Variants in MINDY3 observed in about 807,000 individuals in gnomAD.
MINDY3 encodes the protein ubiquitin carboxyl-terminal hydrolase MINDY-3.
A neutral mutation model predicts 69.2 loss-of-function variants in MINDY3; 38 were observed. The observed-to-expected ratio is 0.55, with a 90% CI of 0.42 to 0.72. The LOEUF is 0.72. Among genes scored for constraint, MINDY3 ranks in the 30% least tolerant of loss-of-function variants. The probability of loss-of-function intolerance (pLI) is 0.00; values close to 1 mark genes in which losing one functional copy is unlikely to be tolerated. For missense variants in MINDY3, 522 were observed against 519.0 expected, an observed-to-expected ratio of 1.01 and a Z score of -0.06; for synonymous variants, 192 against 180.1, an observed-to-expected ratio of 1.07 and a Z score of -0.53.
intron 1 of MINDY3, among the ~76,000 whole-genome samples, chr10:15,852,181 G>A (rs1332752466): frequency 1.3e-5 from 2 of 152,050 alleles, no homozygotes; most frequent in Admixed American, 1.3e-4. Flanking sequence ...CATCTGCCTT[G>A]CCTGACCGGT....
chr10:15,798,464 G>GTTTTT (rs35810825), intron 10 of MINDY3, among the ~76,000 whole-genome samples: 4 of 141,774 alleles, frequency 2.8e-5, no homozygotes, highest in Non-Finnish European at 6.2e-5. Flanking sequence ...AGTGCCAAGT[G>GTTTTT]TTTTTTTTTT....
intron 9 of MINDY3, among the ~76,000 whole-genome samples, chr10:15,818,233 A>C (rs554910273): frequency 6.6e-6 from 1 of 152,250 alleles, no homozygotes; most frequent in East Asian, 1.9e-4. Flanking sequence ...GATTTCCATC[A>C]CATCACATGG....
chr10:15,839,245 G>A (rs1268749541), intron 4 of MINDY3, among the ~76,000 whole-genome samples: 1 of 151,594 alleles, frequency 6.6e-6, no homozygotes, highest in African/African-American at 2.4e-5. Flanking sequence ...CTAGTTGTGA[G>A]TGTTTCATAT....
chr10:15,822,480 G>A (rs990458614), intron 8 of MINDY3, among the ~76,000 whole-genome samples: 1 of 152,132 alleles, frequency 6.6e-6, no homozygotes, highest in Non-Finnish European at 1.5e-5. Flanking sequence ...CAAAGCAGAA[G>A]AAACAACAAA....
At chr10:15,832,755 T>C (rs1430205708) in intron 8 of MINDY3, among the ~76,000 whole-genome samples, 1 of 152,198 alleles carries the variant, frequency 6.6e-6, no homozygotes, top group East Asian at 1.9e-4. Context: ...ATTTTACTGA[T>C]TTTTTCCTTA....
chr10:15,782,238 A>G lies in MINDY3; in HGVS notation c.1117-12T>C. 1.3e-6 allele frequency: 2 copies of G among 1,559,794 alleles called. No homozygotes were observed. The highest frequency in any genetic ancestry group is 1.8e-6 in the Non-Finnish European group (2 of 1,136,554). On this transcript the variant is annotated splice_polypyrimidine_tract_variant and intron_variant, in intron 13 of 14. Transcript: ENST00000277632. ...GGACCACTGGAGCCCTATTATAAAT[A>G]AAGGACTATTAACACTTTAAATTAT...
chr10:15,829,987 C>A (rs893588169), intron 8 of MINDY3, among the ~76,000 whole-genome samples: 2 of 152,126 alleles, frequency 1.3e-5, no homozygotes, highest in African/African-American at 4.8e-5. Flanking sequence ...CCTGCGGTAC[C>A]ACTTGGCCTC....
At chr10:15,848,648 AAAAAAAAAAAAAAAG>A (rs575311742) in intron 1 of MINDY3, among the ~76,000 whole-genome samples, 9,020 of 145,340 alleles carry the variant, frequency 0.062, 496 homozygotes, top group Middle Eastern at 0.13. Context: ...AAAAAAAAAA[AAAAAAAAAAAAAAAG>A]AAAGAAAAAT....
chr10:15,827,928 G>A (rs958752385), intron 8 of MINDY3, among the ~76,000 whole-genome samples: 2 of 152,126 alleles, frequency 1.3e-5, no homozygotes, highest in Admixed American at 1.3e-4. Context: ...AGAAAAATAC[G>A]AACTCTCCTA....
intron 10 of MINDY3, among the ~76,000 whole-genome samples, chr10:15,807,639 T>G (rs1838727589): frequency 6.6e-6 from 1 of 152,144 alleles, no homozygotes; most frequent in Non-Finnish European, 1.5e-5. Flanking sequence ...ACTCATAGGC[T>G]TCATTCCTAA....
intron 10 of MINDY3, among the ~76,000 whole-genome samples, chr10:15,805,400 A>C (rs181559620): frequency 4.3e-4 from 65 of 152,324 alleles, no homozygotes; most frequent in African/African-American, 1.4e-3. Flanking sequence ...TGAACAGAGA[A>C]TAGTTATACT....
intron 10 of MINDY3, among the ~76,000 whole-genome samples, chr10:15,813,119 T>A (rs1285639784): frequency 6.6e-6 from 1 of 152,158 alleles, no homozygotes; most frequent in Non-Finnish European, 1.5e-5. Context: ...CCTGTTCCCT[T>A]CCTTCCCACC....
intron 10 of MINDY3, among the ~76,000 whole-genome samples, chr10:15,807,664 G>A (rs955978801): frequency 2.6e-5 from 4 of 151,974 alleles, no homozygotes; most frequent in Non-Finnish European, 4.4e-5. Flanking sequence ...ATACTTCTAG[G>A]CCCTTCCATC....
At chr10:15,799,201 C>T (rs927041414) in intron 10 of MINDY3, among the ~76,000 whole-genome samples, 6 of 151,726 alleles carry the variant, frequency 4.0e-5, no homozygotes, top group Admixed American at 3.9e-4. Context: ...AATGCTCTAA[C>T]ATTTATTTAT....
chr10:15,788,315 T>C (rs571547975), intron 12 of MINDY3, among the ~76,000 whole-genome samples: 2 of 152,138 alleles, frequency 1.3e-5, no homozygotes, highest in East Asian at 1.9e-4. Flanking sequence ...CTATTGAGAA[T>C]GGATGAAATC....
At chr10:15,855,006 A>T (rs1000084003) in intron 1 of MINDY3, among the ~76,000 whole-genome samples, 1 of 152,148 alleles carries the variant, frequency 6.6e-6, no homozygotes, top group Non-Finnish European at 1.5e-5. Context: ...AAGATCTGCT[A>T]AACTTTTCGT....
At chr10:15,852,017 T>C (rs575865947) in intron 1 of MINDY3, among the ~76,000 whole-genome samples, 3 of 152,288 alleles carry the variant, frequency 2.0e-5, no homozygotes, top group Admixed American at 6.5e-5. Context: ...CTACTCTCCA[T>C]ATAGATAAAT....
chr10:15,814,352 A>G (rs1316158667), intron 10 of MINDY3, among the ~76,000 whole-genome samples: 3 of 152,068 alleles, frequency 2.0e-5, no homozygotes, highest in Non-Finnish European at 4.4e-5. Context: ...ATACTACACA[A>G]TGAAGCATCA....
chr10:15,802,020 T>C (rs1315720431), intron 10 of MINDY3, among the ~76,000 whole-genome samples: 4 of 151,138 alleles, frequency 2.6e-5, no homozygotes, highest in African/African-American at 9.7e-5. Context: ...ATTATAATTT[T>C]AACATATTCT....
Sources: allele counts gnomAD v4.1 joint callset (sites outside exome capture counted in the v4.1 genomes callset), GRCh38; gene constraint gnomAD v4.1.1; transcripts MANE v1.5; gene names NCBI Gene and HGNC (gene_info 2026-07-23, HGNC 2026-07-21).